Variants in GNA14 observed in about 807,000 individuals in gnomAD.
GNA14 encodes the protein G protein subunit alpha 14.
In GNA14, 50 loss-of-function variants were observed where a neutral mutation model predicts 42.0. The observed-to-expected ratio is 1.19, with a 90% CI of 0.95 to 1.51. GNA14 has a LOEUF of 1.51. Among genes scored for constraint, GNA14 ranks in the 40% most tolerant of loss-of-function variants. The probability of loss-of-function intolerance (pLI) is 0.00; values close to 1 mark genes in which losing one functional copy is unlikely to be tolerated. For synonymous variants in GNA14, 173 were observed against 163.1 expected, an observed-to-expected ratio of 1.06 and a Z score of -0.46; for missense variants, 473 against 446.2, an observed-to-expected ratio of 1.06 and a Z score of -0.54.
intron 1 of GNA14, among the ~76,000 whole-genome samples, chr9:77,562,218 T>G (rs1284749970): frequency 1.3e-5 from 2 of 152,082 alleles, no homozygotes; most frequent in African/African-American, 4.8e-5. Context: ...TTAAATAAAG[T>G]TAGGAAGCAG....
chr9:77,427,631 G>A (rs368752305), intron 5 of GNA14, among the ~76,000 whole-genome samples: 1 of 152,360 alleles, frequency 6.6e-6, no homozygotes, highest in Admixed American at 6.5e-5. Context: ...GTGTTCCACC[G>A]ATACTGTCCC....
intron 2 of GNA14, among the ~76,000 whole-genome samples, chr9:77,488,150 A>G (rs1005501946): frequency 2.6e-5 from 4 of 152,200 alleles, no homozygotes; most frequent in African/African-American, 4.8e-5. Flanking sequence ...TAGAACTCAC[A>G]TATGAGGAGG....
intron 2 of GNA14, among the ~76,000 whole-genome samples, chr9:77,458,848 G>A (rs1285301402): frequency 6.9e-6 from 1 of 145,352 alleles, no homozygotes; most frequent in Non-Finnish European, 1.5e-5. Context: ...GTGCTTTCCA[G>A]AGTTCCACAA....
chr9:77,499,182 A>C (rs1375776007), intron 2 of GNA14, among the ~76,000 whole-genome samples: 1 of 151,320 alleles, frequency 6.6e-6, no homozygotes, highest in Non-Finnish European at 1.5e-5. Flanking sequence ...GCCACCTTTA[A>C]GCACCCCCTT....
intron 1 of GNA14, among the ~76,000 whole-genome samples, chr9:77,559,888 T>C (rs906494269): frequency 2.6e-5 from 4 of 152,182 alleles, no homozygotes; most frequent in African/African-American, 4.8e-5. Flanking sequence ...AACCTACAGA[T>C]AGAAAATACT....
At chr9:77,627,484 A>T (rs1460926174) in intron 1 of GNA14, among the ~76,000 whole-genome samples, 3 of 152,212 alleles carry the variant, frequency 2.0e-5, no homozygotes, top group Non-Finnish European at 4.4e-5. Context: ...CATCAATGCG[A>T]AAATCCTCAA....
chr9:77,636,697 T>C (rs1188544856), intron 1 of GNA14, among the ~76,000 whole-genome samples: 1 of 152,154 alleles, frequency 6.6e-6, no homozygotes, highest in African/African-American at 2.4e-5. Context: ...ACCAGCTCTC[T>C]CAAGAATACA....
At chr9:77,507,088 A>G (rs1837083514) in intron 2 of GNA14, among the ~76,000 whole-genome samples, 2 of 152,222 alleles carry the variant, frequency 1.3e-5, no homozygotes, top group Non-Finnish European at 2.9e-5. Context: ...CAGAGCCACA[A>G]GATATCTCTA....
chr9:77,589,784 C>T (rs1477808205), intron 1 of GNA14, among the ~76,000 whole-genome samples: 3 of 152,180 alleles, frequency 2.0e-5, no homozygotes, highest in Non-Finnish European at 4.4e-5. Flanking sequence ...GAGTCACTGC[C>T]TTCCATACCA....
chr9:77,611,224 T>G (rs1823725586), intron 1 of GNA14, among the ~76,000 whole-genome samples: 1 of 152,220 alleles, frequency 6.6e-6, no homozygotes, highest in Non-Finnish European at 1.5e-5. Context: ...CTATAGATGC[T>G]GGTAGAAGGC....
intron 1 of GNA14, among the ~76,000 whole-genome samples, chr9:77,583,683 C>A (rs899590406): frequency 1.3e-5 from 2 of 152,252 alleles, no homozygotes; most frequent in South Asian, 2.1e-4. Context: ...CCGACTCCCC[C>A]ACTCCAAAAA....
chr9:77,429,082 A>C (rs749088029), intron 4 of GNA14, 46 bp from the exon 5 acceptor site: 1 of 1,595,882 alleles, frequency 6.3e-7, no homozygotes, highest in Admixed American at 1.7e-5. Flanking sequence ...AATACATGAC[A>C]CTTCGGGGAA....
At chr9:77,576,424 G>C (rs1391904112) in intron 1 of GNA14, among the ~76,000 whole-genome samples, 2 of 152,110 alleles carry the variant, frequency 1.3e-5, no homozygotes, top group African/African-American at 4.8e-5. Context: ...AGTGTTTATA[G>C]TTTTGTTTTT....
intron 1 of GNA14, among the ~76,000 whole-genome samples, chr9:77,600,656 G>A (rs1421949834): frequency 3.3e-5 from 5 of 152,210 alleles, no homozygotes; most frequent in Non-Finnish European, 5.9e-5. Flanking sequence ...AGTGGCTCAC[G>A]CCTGTAATCC....
At chr9:77,632,231 T>C (rs1824110444) in intron 1 of GNA14, among the ~76,000 whole-genome samples, 1 of 152,172 alleles carries the variant, frequency 6.6e-6, no homozygotes, top group Non-Finnish European at 1.5e-5. Context: ...TGAGGGAAGC[T>C]TGGTGCTGGG....
At chr9:77,461,993 G>A (rs369979548) in intron 2 of GNA14, among the ~76,000 whole-genome samples, 2 of 152,194 alleles carry the variant, frequency 1.3e-5, no homozygotes, top group African/African-American at 4.8e-5. Flanking sequence ...GCTATTAGGG[G>A]TCAAGGCAAG....
intron 2 of GNA14, among the ~76,000 whole-genome samples, chr9:77,477,731 G>T (rs901704912): frequency 6.6e-6 from 1 of 152,148 alleles, no homozygotes; most frequent in African/African-American, 2.4e-5. Flanking sequence ...GAAAACAGAA[G>T]AAGAATGTTA....
intron 1 of GNA14, among the ~76,000 whole-genome samples, chr9:77,538,725 G>T (rs1471132355): frequency 6.6e-6 from 1 of 151,848 alleles, no homozygotes; most frequent in Non-Finnish European, 1.5e-5. Context: ...TTCTTTTTCA[G>T]CTGGTTCACA....
Position 77,529,064 on chromosome 9 carries a change from GTTACC to G in GNA14, c.309_309+4del. 6.2e-7 allele frequency: 1 copy of G among 1,613,238 alleles called. No individual in the cohort carries two copies. Among genetic ancestry groups the G allele is most frequent in the Non-Finnish European group, 8.5e-7 (1 of 1,179,190 alleles). On this transcript the variant is annotated splice_donor_variant and splice_donor_region_variant and coding_sequence_variant and intron_variant, in exon 2 of 7. Transcript: ENST00000341700. LOFTEE classifies it high-confidence loss of function. ...AATAGGGCAAGCACTCCCTAAGCAC[GTTACC>G]TTATTCTGTTCACACACATACTGTA...
Sources: gnomAD v4.1 joint callset for allele counts (sites outside exome capture counted in the v4.1 genomes callset) on GRCh38, gnomAD v4.1.1 for gene constraint, MANE v1.5 for transcripts, NCBI Gene and HGNC (gene_info 2026-07-23, HGNC 2026-07-21) for gene names.